RAB1A: variants seen among roughly 807,000 people sequenced by gnomAD.
The protein encoded by RAB1A is ras-related protein Rab-1A.
RAB1A carries 2 observed loss-of-function variants against 26.0 expected under a neutral mutation model. The observed-to-expected ratio is 0.08, with a 90% CI of 0.03 to 0.24. RAB1A has a LOEUF of 0.24. Among genes scored for constraint, RAB1A ranks in the 10% least tolerant of loss-of-function variants. RAB1A has a pLI of 1.00. For missense variants in RAB1A, 100 were observed against 247.0 expected (o/e 0.40, Z 3.99); for synonymous variants, 84 against 84.9 (o/e 0.99, Z 0.06).
At chr2:65,103,263 G>A (rs937413767) in intron 2 of RAB1A, among the ~76,000 whole-genome samples, 2 of 114,142 alleles carry the variant, frequency 1.8e-5, no homozygotes, top group Admixed American at 1.2e-4. Flanking sequence ...AGACGCCACT[G>A]CACTCTAGCC....
At chr2:65,124,881 A>G (rs1670061063) in intron 1 of RAB1A, among the ~76,000 whole-genome samples, 1 of 152,204 alleles carries the variant, frequency 6.6e-6, no homozygotes, top group Admixed American at 6.6e-5. Context: ...AGATGGTGAT[A>G]TTCTATAGAC....
intron 1 of RAB1A, among the ~76,000 whole-genome samples, chr2:65,107,971 T>C (rs543866030): frequency 5.3e-5 from 8 of 150,114 alleles, no homozygotes; most frequent in Admixed American, 4.0e-4. Context: ...GGCTGACCCA[T>C]GAGAATTGCT....
rs1453407931 is a variant in RAB1A at position 65,087,139 on chromosome 2, A to T, written c.*1354T>A. 6.6e-6 allele frequency: 1 copy of T among 152,262 alleles called. No homozygotes were observed. 9.4% of individuals were successfully genotyped at this position (152,262 alleles called of 1,614,324 possible). On this transcript the variant is annotated 3_prime_UTR_variant, in exon 6 of 6. Transcript: ENST00000409784. ...GCTGCTATTTCAACCTAAGGAAACA[A>T]CGTTTGACCTCAGTCACCTTAAAAT...
chr2:65,110,271 C>T (rs964862249), intron 1 of RAB1A, among the ~76,000 whole-genome samples: 3 of 152,014 alleles, frequency 2.0e-5, no homozygotes, highest in African/African-American at 7.2e-5. Context: ...GAAACCCTGT[C>T]TCTACTAAAA....
At chr2:65,129,703 C>T (rs1389320335) in intron 1 of RAB1A, among the ~76,000 whole-genome samples, 190 bp downstream of exon 1, 1 of 152,090 alleles carries the variant, frequency 6.6e-6, no homozygotes, top group Admixed American at 6.6e-5. Flanking sequence ...CCGGCCCGAC[C>T]CCTCCCCCGC....
chr2:65,122,139 G>C (rs61409931), intron 1 of RAB1A, among the ~76,000 whole-genome samples: 1 of 122,650 alleles, frequency 8.2e-6, no homozygotes, highest in Non-Finnish European at 1.6e-5. Context: ...CTGGGTGACA[G>C]AGCAAGACTC....
chr2:65,097,517 GT>G (rs1231285566), intron 3 of RAB1A, among the ~76,000 whole-genome samples: 3 of 152,210 alleles, frequency 2.0e-5, no homozygotes, highest in Non-Finnish European at 4.4e-5. Flanking sequence ...TTTCTACAGA[GT>G]TGGTGCACAC....
Position 65,129,388 on chromosome 2 carries a change from A to AACCTGGCGG in RAB1A, c.23+496_23+504dup, listed in dbSNP as rs576941681. 2.5e-3 allele frequency among the ~76,000 whole-genome samples: 373 copies of AACCTGGCGG among 152,114 alleles called. 4 individuals are homozygous for AACCTGGCGG. Among genetic ancestry groups the AACCTGGCGG allele is most frequent in the African/African-American group, 8.6e-3 (355 of 41,472 alleles). On this transcript the variant is annotated intron_variant, in intron 1 of 5. Coordinates refer to ENST00000409784, the MANE Select transcript of RAB1A (RefSeq NM_004161.5). ...CCCGAAAAGCATCCATATTACCTGAAACCTGGCGGGGAGGATGGAAGGAGA... is the reference window on the plus strand; with the variant it reads ...CCCGAAAAGCATCCATATTACCTGAAACCTGGCGGACCTGGCGGGGAGGATGGAAGGAGA...
intron 1 of RAB1A, among the ~76,000 whole-genome samples, chr2:65,127,142 C>T (rs1670118521): frequency 1.3e-5 from 2 of 152,272 alleles, no homozygotes; most frequent in South Asian, 2.1e-4. Flanking sequence ...TGGGTTTGAT[C>T]CCTTTGAGGT....
At chr2:65,095,968 A>C (rs534046123) in intron 3 of RAB1A, among the ~76,000 whole-genome samples, 61 of 152,136 alleles carry the variant, frequency 4.0e-4, no homozygotes, top group African/African-American at 1.4e-3. Flanking sequence ...CCTAACCAAC[A>C]TGGTGAAACT....
chr2:65,125,423 CTTTTTTTTTT>C (rs35048150), intron 1 of RAB1A, among the ~76,000 whole-genome samples: 2 of 127,270 alleles, frequency 1.6e-5, no homozygotes, highest in Admixed American at 8.0e-5. Flanking sequence ...GTATTTCTTT[CTTTTTTTTTT>C]TTTTTTTTTG....
At chr2:65,095,896 G>C (rs900807945) in intron 3 of RAB1A, among the ~76,000 whole-genome samples, 2 of 152,110 alleles carry the variant, frequency 1.3e-5, no homozygotes, top group African/African-American at 4.8e-5. Context: ...GCTCATGCCT[G>C]TAATCCCAGC....
chr2:65,123,150 G>T (rs574223351), intron 1 of RAB1A, among the ~76,000 whole-genome samples: 9 of 151,592 alleles, frequency 5.9e-5, no homozygotes, highest in African/African-American at 2.2e-4. Flanking sequence ...AATATAGCAG[G>T]ATGTTAGCAC....
intron 1 of RAB1A, among the ~76,000 whole-genome samples, chr2:65,114,595 G>C (rs1198854969): frequency 2.4e-4 from 36 of 152,156 alleles, no homozygotes; most frequent in Non-Finnish European, 7.3e-5. Context: ...TGTAATCCCA[G>C]CACTTTGGGA....
intron 3 of RAB1A, among the ~76,000 whole-genome samples, chr2:65,091,868 C>T (rs1336910559): frequency 6.6e-6 from 1 of 152,226 alleles, no homozygotes; most frequent in Non-Finnish European, 1.5e-5. Flanking sequence ...AGGAAGATGA[C>T]TCCAAATACT....
chr2:65,109,980 C>T (rs1293589685), intron 1 of RAB1A, among the ~76,000 whole-genome samples: 1 of 152,108 alleles, frequency 6.6e-6, no homozygotes, highest in Non-Finnish European at 1.5e-5. Context: ...AGCACTGTGC[C>T]TTTTACAAAG....
At chr2:65,106,944 G>C (rs1342209878) in intron 1 of RAB1A, among the ~76,000 whole-genome samples, 1 of 152,060 alleles carries the variant, frequency 6.6e-6, no homozygotes, top group Admixed American at 6.6e-5. Context: ...GTAGAGACGG[G>C]ATTTAGCCAT....
chr2:65,099,175 A>G (rs1669360182), intron 2 of RAB1A, among the ~76,000 whole-genome samples: 2 of 152,014 alleles, frequency 1.3e-5, no homozygotes. Flanking sequence ...TACTACAAAT[A>G]TACAACATTT....
intron 1 of RAB1A, chr2:65,105,435 GCA>G: frequency 6.6e-6 from 1 of 151,044 alleles, no homozygotes; most frequent in Non-Finnish European, 1.4e-5. Context: ...AACCCAGGAG[GCA>G]GAGGTTGCAG....
Sources: gnomAD v4.1 joint callset for allele counts (sites outside exome capture counted in the v4.1 genomes callset) on GRCh38, gnomAD v4.1.1 for gene constraint, MANE v1.5 for transcripts, NCBI Gene and HGNC (gene_info 2026-07-23, HGNC 2026-07-21) for gene names.